Variants in PKNOX2 observed in about 807,000 individuals in gnomAD.
The protein encoded by PKNOX2 is PBX/knotted 1 homeobox 2.
In PKNOX2, 14 loss-of-function variants were observed where a neutral mutation model predicts 53.1. The observed-to-expected ratio is 0.26, with a 90% CI of 0.17 to 0.41. The LOEUF is 0.41. Among genes scored for constraint, PKNOX2 ranks in the 10% least tolerant of loss-of-function variants. PKNOX2 has a pLI of 1.00. For synonymous variants in PKNOX2, 257 were observed against 242.8 expected (o/e 1.06, Z -0.54); for missense variants, 496 against 602.8 (o/e 0.82, Z 1.85).
At chr11:125,315,303 G>GAAAAAAAAAAAAAAAA (rs534448203) in intron 2 of PKNOX2, among the ~76,000 whole-genome samples, 2 of 79,438 alleles carry the variant, frequency 2.5e-5, no homozygotes, top group African/African-American at 7.8e-5. Context: ...TGTGAAGCAG[G>GAAAAAAAAAAAAAAAA]AAAAAAAAAA....
At chr11:125,222,743 GTC>G (rs1941324880) in intron 1 of PKNOX2, among the ~76,000 whole-genome samples, 1 of 150,188 alleles carries the variant, frequency 6.7e-6, no homozygotes, top group African/African-American at 2.5e-5. Flanking sequence ...GTGTGTCTGT[GTC>G]TGTGTGCCTG....
At chr11:125,347,289 G>C (rs1225919320) in intron 3 of PKNOX2, among the ~76,000 whole-genome samples, 1 of 152,212 alleles carries the variant, frequency 6.6e-6, no homozygotes, top group Non-Finnish European at 1.5e-5. Flanking sequence ...CAGCTGGCCA[G>C]AGAGTTCCCA....
intron 4 of PKNOX2, among the ~76,000 whole-genome samples, chr11:125,363,311 T>C (rs1010896402): frequency 6.6e-6 from 1 of 152,236 alleles, no homozygotes; most frequent in Non-Finnish European, 1.5e-5. Flanking sequence ...GCCCCATCAG[T>C]AGCCATTGTC....
intron 2 of PKNOX2, among the ~76,000 whole-genome samples, chr11:125,247,359 C>T (rs557645566): frequency 1.1e-4 from 17 of 152,310 alleles, no homozygotes; most frequent in Non-Finnish European, 2.4e-4. Context: ...GCCCACTGAA[C>T]ATCCTCCTGG....
In PKNOX2 at chr11:125,376,793, C is replaced by A. The variant is rs1465859570; in HGVS notation, c.228-8758C>A. Among the ~76,000 whole-genome samples, 4 of 152,180 alleles carry A rather than the reference C, an allele frequency of 2.6e-5. No individual in the cohort carries two copies. The East Asian group carries it at 7.7e-4, about 29-fold the overall frequency. On this transcript the variant is annotated intron_variant, in intron 5 of 12. Coordinates refer to ENST00000298282, the MANE Select transcript of PKNOX2 (RefSeq NM_001382323.2). ...GAGAGAGAGAAAATGTGGTCACCGA[C>A]TGGAGGAGCCCACCATGCCATGAGG...
chr11:125,164,839 C>T (rs1349011075), intron 1 of PKNOX2, 63 bp downstream of exon 1: 4 of 178,700 alleles, frequency 2.2e-5, no homozygotes, highest in Non-Finnish European at 4.6e-5. Flanking sequence ...GGCGCGGCGG[C>T]GGCTGCTGCT....
chr11:125,312,083 C>T (rs112534395), intron 2 of PKNOX2, among the ~76,000 whole-genome samples: 40 of 152,178 alleles, frequency 2.6e-4, no homozygotes, highest in African/African-American at 8.9e-4. Context: ...TTCTCTGAGC[C>T]TCTGTTTCTT....
In PKNOX2 at chr11:125,294,618, G is replaced by A. The variant is rs1264728104; in HGVS notation, c.-129-37201G>A. Among the ~76,000 whole-genome samples the A allele has an allele frequency of 3.3e-5, 5 of 152,216 alleles. No individual in the cohort carries two copies. In the South Asian group the frequency reaches 1.0e-3, roughly 32 times the overall value. On this transcript the variant is annotated intron_variant, in intron 2 of 12. Coordinates refer to ENST00000298282, the MANE Select transcript of PKNOX2 (RefSeq NM_001382323.2). ...CACAGTGGAAGGGTTCGTGTGCACA[G>A]GGACACTGTGGTGAGATGGAAAAGG...
intron 4 of PKNOX2, among the ~76,000 whole-genome samples, chr11:125,362,327 G>T (rs2136249743): frequency 1.3e-5 from 2 of 152,226 alleles, no homozygotes; most frequent in South Asian, 4.2e-4. Flanking sequence ...ATAACCTACT[G>T]CACAGGATTA....
At chr11:125,169,377 C>A (rs1955119660) in intron 1 of PKNOX2, among the ~76,000 whole-genome samples, 1 of 152,150 alleles carries the variant, frequency 6.6e-6, no homozygotes, top group South Asian at 2.1e-4. Flanking sequence ...TGGGTTCTAT[C>A]CAGGCAGCAT....
intron 1 of PKNOX2, among the ~76,000 whole-genome samples, chr11:125,232,032 G>A (rs1375979277): frequency 2.6e-5 from 4 of 152,252 alleles, no homozygotes; most frequent in African/African-American, 4.8e-5. Flanking sequence ...AGGAAGACTC[G>A]CTCATTTCTG....
At chr11:125,333,232 C>T (rs1030401331) in intron 3 of PKNOX2, among the ~76,000 whole-genome samples, 1 of 152,116 alleles carries the variant, frequency 6.6e-6, no homozygotes, top group Non-Finnish European at 1.5e-5. Flanking sequence ...TGTGCTGATG[C>T]CCAAGTTCAG....
intron 2 of PKNOX2, among the ~76,000 whole-genome samples, chr11:125,247,382 C>T (rs1157399029): frequency 6.6e-6 from 1 of 152,168 alleles, no homozygotes; most frequent in Non-Finnish European, 1.5e-5. Context: ...CTCTTCCTCA[C>T]CCTGGGTTTC....
chr11:125,233,234 C>T (rs749680361), intron 1 of PKNOX2, among the ~76,000 whole-genome samples: 8 of 152,178 alleles, frequency 5.3e-5, no homozygotes, highest in Non-Finnish European at 5.9e-5. Context: ...GCATCATGTG[C>T]ACCTGAAAAG....
chr11:125,371,263 G>A (rs1462606682), intron 5 of PKNOX2, among the ~76,000 whole-genome samples: 2 of 152,140 alleles, frequency 1.3e-5, no homozygotes, highest in African/African-American at 2.4e-5. Flanking sequence ...TGTGTTTGTG[G>A]CCCAGGAGCA....
intron 1 of PKNOX2, among the ~76,000 whole-genome samples, chr11:125,178,452 G>A (rs1347265735): frequency 1.7e-4 from 25 of 150,326 alleles, no homozygotes; most frequent in Admixed American, 3.3e-4. Context: ...CGGAGGTTGC[G>A]GTGAGCCGAG....
intron 1 of PKNOX2, among the ~76,000 whole-genome samples, chr11:125,186,215 C>G (rs1160510390): frequency 1.3e-5 from 2 of 152,128 alleles, no homozygotes. Context: ...TAGTCGAATT[C>G]TATGCCCATT....
chr11:125,253,819 A>G (rs1217692794), intron 2 of PKNOX2, among the ~76,000 whole-genome samples: 1 of 152,290 alleles, frequency 6.6e-6, no homozygotes, highest in South Asian at 2.1e-4. Flanking sequence ...GGTTCCCTTC[A>G]TCGCAGGAGC....
chr11:125,411,645 A>C, intron 9 of PKNOX2, 101 bp from the exon 10 acceptor site: 2 of 1,594,122 alleles, frequency 1.3e-6, no homozygotes, highest in Non-Finnish European at 1.7e-6. Context: ...ATGAGCCGGG[A>C]AAGGGGCTGG....
Sources: gnomAD v4.1 joint callset for allele counts (sites outside exome capture counted in the v4.1 genomes callset) on GRCh38, gnomAD v4.1.1 for gene constraint, MANE v1.5 for transcripts, NCBI Gene and HGNC (gene_info 2026-07-23, HGNC 2026-07-21) for gene names.